Variants in RSPH10B observed in about 807,000 individuals in gnomAD.
The protein encoded by RSPH10B is radial spoke head 10 homolog B (Chlamydomonas).
In RSPH10B, 7 loss-of-function variants were observed where a neutral mutation model predicts 52.5. The ratio of observed to expected loss-of-function variants is 0.13; its 90% CI spans 0.08 to 0.25. The LOEUF is 0.25. Among genes scored for constraint, RSPH10B ranks in the 10% least tolerant of loss-of-function variants. RSPH10B has a pLI of 1.00. For synonymous variants in RSPH10B, 28 were observed against 193.2 expected (o/e 0.14, Z 7.09); for missense variants, 89 against 542.5 (o/e 0.16, Z 8.30).
rs546188701 is a variant in RSPH10B at position 5,966,352 on chromosome 7, T to C, written c.254+511A>G. ...ATATGTTTCACCACAATAAACTCTATATATACACACGCCATGGGGCTGTAT... is the reference window on the plus strand; with the variant it reads ...ATATGTTTCACCACAATAAACTCTACATATACACACGCCATGGGGCTGTAT... On this transcript the variant is annotated intron_variant, in intron 1 of 18. Coordinates refer to ENST00000337579, the Ensembl canonical transcript of RSPH10B. Among the ~76,000 whole-genome samples the C allele has an allele frequency of 4.4e-5, 5 of 113,806 alleles. 2 individuals are homozygous for C. The South Asian group carries it at 1.3e-3, about 30-fold the overall frequency. The allele number at this position is 113,806 out of a possible 152,430, so 74.7% of individuals were successfully genotyped here.
intron 13 of RSPH10B, among the ~76,000 whole-genome samples, chr7:5,942,843 CAA>C (rs1343470164): frequency 3.3e-5 from 5 of 149,290 alleles, no homozygotes; most frequent in Non-Finnish European, 7.4e-5. Flanking sequence ...GCCTGAGTGA[CAA>C]GAGCAAAACT....
Position 5,927,066 on chromosome 7 carries a change from G to GTGTGTATATA in RSPH10B, c.2433-519_2433-518insTATATACACA, listed in dbSNP as rs1554284543. On this transcript the variant is annotated intron_variant, in intron 18 of 18. Transcript: ENST00000337579. ...GTGTGTATTATGTGTGTGTGTGTGT[G>GTGTGTATATA]TATATGTGTGTGTGTGTGTGTGTGT... Among the ~76,000 whole-genome samples, 77 of 107,276 alleles carry GTGTGTATATA rather than the reference G, an allele frequency of 7.2e-4. No homozygotes were observed. The Middle Eastern group carries it at 0.016, about 22-fold the overall frequency. 70.4% of individuals were successfully genotyped at this position (107,276 alleles called of 152,430 possible). A position where few individuals can be genotyped will look rare whatever the true frequency, so the allele number is the denominator to read the frequency against.
chr7:5,941,617 G>A (rs1158033546), intron 13 of RSPH10B, among the ~76,000 whole-genome samples: 7 of 147,046 alleles, frequency 4.8e-5, no homozygotes, highest in African/African-American at 9.9e-5. Flanking sequence ...GGTCATGCAC[G>A]CCTTTAGTCC....
At chr7:5,933,270 G>T in intron 16 of RSPH10B, among the ~76,000 whole-genome samples, 1 of 59,324 alleles carries the variant, frequency 1.7e-5, no homozygotes, top group Non-Finnish European at 3.7e-5. Context: ...TGCCTGCCTT[G>T]GCCTCCCAAA....
At chr7:5,933,595 C>T (rs1459737075) in intron 16 of RSPH10B, among the ~76,000 whole-genome samples, 1 of 135,568 alleles carries the variant, frequency 7.4e-6, no homozygotes, top group Non-Finnish European at 1.7e-5. Context: ...CCCATCTCTA[C>T]TAACAACACA....
chr7:5,927,039 GTGTGTGTAT>G (rs1391522556), intron 18 of RSPH10B, among the ~76,000 whole-genome samples: 2 of 41,254 alleles, frequency 4.8e-5, no homozygotes, highest in African/African-American at 2.0e-4. Context: ...GTGTGTGTGT[GTGTGTGTAT>G]TATGTGTGTG....
At chr7:5,931,561 TTAAC>T (rs1439294744) in intron 17 of RSPH10B, among the ~76,000 whole-genome samples, 1 of 150,698 alleles carries the variant, frequency 6.6e-6, no homozygotes, top group African/African-American at 2.5e-5. Flanking sequence ...CCCCATCTCT[TTAAC>T]AAACAAAGAC....
chr7:5,941,919 T>C (rs569956149), intron 13 of RSPH10B, among the ~76,000 whole-genome samples: 7 of 148,866 alleles, frequency 4.7e-5, no homozygotes, highest in Non-Finnish European at 1.0e-4. Context: ...TGAGACAGAG[T>C]TCTGCTCTTG....
At chr7:5,942,442 C>A (rs1780244835) in intron 13 of RSPH10B, among the ~76,000 whole-genome samples, 1 of 131,380 alleles carries the variant, frequency 7.6e-6, no homozygotes, top group African/African-American at 2.8e-5. Flanking sequence ...GTTGCCCAGG[C>A]TGGTCTTGAA....
chr7:5,954,122 C>T (rs1242279397), intron 7 of RSPH10B, among the ~76,000 whole-genome samples: 7 of 119,526 alleles, frequency 5.9e-5, no homozygotes, highest in East Asian at 2.7e-4. Context: ...GGATTACAGG[C>T]GTGAGCCATC....
chr7:5,944,454 G>T lies in RSPH10B; in HGVS notation c.1530-464C>A, dbSNP rs1726745083. Among the ~76,000 whole-genome samples the T allele has an allele frequency of 2.7e-5, 4 of 150,052 alleles. No homozygotes were observed. In the South Asian group the frequency reaches 8.3e-4, roughly 31 times the overall value. ...TAAAAAAAGATATAAAACCACTTTT[G>T]CTGTAAGAAAGACAAGAAATTCTGA... On this transcript the variant is annotated intron_variant, in intron 11 of 18. Transcript: ENST00000337579.
At chr7:5,957,050 G>T (rs1280250339) in intron 6 of RSPH10B, among the ~76,000 whole-genome samples, 23 of 6,420 alleles carry the variant, frequency 3.6e-3, no homozygotes, top group African/African-American at 9.8e-3. Context: ...AGGCATGGTG[G>T]CAGTGGGCAC....
intron 13 of RSPH10B, among the ~76,000 whole-genome samples, chr7:5,942,409 T>C (rs1780242083): frequency 7.6e-6 from 1 of 131,774 alleles, no homozygotes; most frequent in Non-Finnish European, 1.7e-5. Context: ...TTTTATTTTT[T>C]GTAGAGAGGG....
chr7:5,927,062 GTGTGTATA>G lies in RSPH10B; in HGVS notation c.2433-522_2433-515del, dbSNP rs1180149521. ...GTGTGTGTGTATTATGTGTGTGTGTGTGTGTATATGTGTGTGTGTGTGTGTGTGTGTGT... is the reference window on the plus strand; with the variant it reads ...GTGTGTGTGTATTATGTGTGTGTGTGTGTGTGTGTGTGTGTGTGTGTGTGT... On this transcript the variant is annotated intron_variant, in intron 18 of 18. Transcript: ENST00000337579. 6.3e-4 allele frequency among the ~76,000 whole-genome samples: 58 copies of G among 92,490 alleles called. 1 individual carries two copies. The highest frequency in any genetic ancestry group is 8.5e-4 in the Non-Finnish European group (40 of 46,784). The allele number at this position is 92,490 out of a possible 152,430, so 60.7% of individuals were successfully genotyped here.
chr7:5,964,326 A>G (rs1306515235), intron 3 of RSPH10B, among the ~76,000 whole-genome samples, 176 bp downstream of exon 5: 1 of 148,960 alleles, frequency 6.7e-6, no homozygotes, highest in Non-Finnish European at 1.5e-5. Flanking sequence ...GATGAAACCA[A>G]TAACAATTAC....
At chr7:5,931,715 A>T (rs1444932433) in intron 17 of RSPH10B, among the ~76,000 whole-genome samples, 34 of 135,792 alleles carry the variant, frequency 2.5e-4, no homozygotes, top group Admixed American at 2.5e-3. Context: ...AAAAAAAAAA[A>T]TGCCCAGGGG....
intron 18 of RSPH10B, among the ~76,000 whole-genome samples, chr7:5,927,066 G>GTGTA (rs1554284543): frequency 1.2e-4 from 13 of 107,296 alleles, no homozygotes; most frequent in South Asian, 2.5e-4. Context: ...GTGTGTGTGT[G>GTGTA]TATATGTGTG....
Position 5,966,904 on chromosome 7 carries a change from G to T in RSPH10B, c.213C>A (p.Thr71=). The change falls in exon 1 of 19, where the codon ACC becomes ACA. Residue 71 remains threonine (T), a synonymous_variant. Coordinates refer to ENST00000337579, the Ensembl canonical transcript of RSPH10B. Reference sequence around the variant, plus strand: ...TGGTCAGAATGGACTCTTCGTATTGGGTGGCATCTTCGTTCTGCTGAACGT... The same window carrying T: ...TGGTCAGAATGGACTCTTCGTATTGTGTGGCATCTTCGTTCTGCTGAACGT... The T allele has an allele frequency of 5.8e-6, 8 of 1,381,648 alleles. 3 individuals carry two copies. The highest frequency in any genetic ancestry group is 8.1e-6 in the Non-Finnish European group (8 of 993,086). 85.6% of individuals were successfully genotyped at this position (1,381,648 alleles called of 1,614,324 possible). A position where few individuals can be genotyped will look rare whatever the true frequency, so the allele number is the denominator to read the frequency against.
chr7:5,954,064 C>T (rs1288329372), intron 7 of RSPH10B, among the ~76,000 whole-genome samples: 1 of 82,772 alleles, frequency 1.2e-5, no homozygotes, highest in Non-Finnish European at 2.3e-5. Flanking sequence ...AGGATGGTCT[C>T]GATCTCCTGA....
Sources: gnomAD v4.1 joint callset for allele counts (sites outside exome capture counted in the v4.1 genomes callset) on GRCh38, gnomAD v4.1.1 for gene constraint, MANE v1.5 for transcripts, NCBI Gene and HGNC (gene_info 2026-07-23, HGNC 2026-07-21) for gene names.